DAAM1: variants seen among roughly 807,000 people sequenced by gnomAD.
DAAM1 encodes dishevelled associated activator of morphogenesis 1.
Under a neutral mutation model 130.0 loss-of-function variants are expected in DAAM1, and 52 were observed. The observed-to-expected ratio is 0.40, with a 90% CI of 0.32 to 0.50. The LOEUF is 0.50. Among genes scored for constraint, DAAM1 ranks in the 20% least tolerant of loss-of-function variants. The pLI is 0.61. For synonymous variants in DAAM1, 452 were observed against 444.5 expected (o/e 1.02, Z -0.21); for missense variants, 1,134 against 1,303.8 (o/e 0.87, Z 2.01).
chr14:59,354,124 G>A (rs933179345), intron 19 of DAAM1, among the ~76,000 whole-genome samples, 160 bp downstream of exon 19: 6 of 150,822 alleles, frequency 4.0e-5, no homozygotes, highest in Admixed American at 4.0e-4. Flanking sequence ...GCAGTAGCGC[G>A]ATCTTGGCTC....
intron 11 of DAAM1, 129 bp from the exon 12 acceptor site, chr14:59,326,804 C>A: frequency 1.3e-6 from 2 of 1,499,550 alleles, no homozygotes; most frequent in South Asian, 1.2e-5. Flanking sequence ...AACATCTGGT[C>A]TTAAATGGGT....
At chr14:59,251,187 A>G (rs754970019) in intron 1 of DAAM1, among the ~76,000 whole-genome samples, 1 of 152,252 alleles carries the variant, frequency 6.6e-6, no homozygotes. Context: ...TCTATTTCAC[A>G]GTCATAATGA....
chr14:59,220,655 T>C (rs1411174462), intron 1 of DAAM1, among the ~76,000 whole-genome samples: 2 of 152,082 alleles, frequency 1.3e-5, no homozygotes, highest in African/African-American at 4.8e-5. Flanking sequence ...TTTAGCTGGG[T>C]CTAAAGGCCT....
chr14:59,331,321 C>G lies in DAAM1; in HGVS notation c.1673C>G (p.Pro558Arg). 6.2e-7 allele frequency: 1 copy of G among 1,611,062 alleles called. No homozygotes were observed. The highest frequency in any genetic ancestry group is 1.3e-5 in the African/African-American group (1 of 74,756). ...CCTCCCCCACCACCCCCACCTCTAC[C>G]AGGTGGGATGCTTCCCCCTCCACCG... is the stretch of plus-strand genomic sequence containing the variant. The part of the protein sequence containing the change: ...LLPPPPPPPL[P>R]GGMLPPPPPP... Residue 558 changes from proline to arginine, a missense_variant, in exon 14 of 25, where the codon CCA becomes CGA. Pro to Arg is a moderately radical substitution (Grantham distance 103, BLOSUM62 -2). Around this residue, in one of 3 missense-constraint regions of DAAM1, gnomAD observed 644 missense variants for 695.9 expected, o/e 0.93. Coordinates refer to ENST00000360909, the MANE Select transcript of DAAM1 (RefSeq NM_001270520.2).
chr14:59,268,074 G>A (rs1286320571), intron 2 of DAAM1, among the ~76,000 whole-genome samples: 1 of 151,836 alleles, frequency 6.6e-6, no homozygotes, highest in Non-Finnish European at 1.5e-5. Context: ...AGCTATTTTT[G>A]TATTTTTTTT....
intron 1 of DAAM1, among the ~76,000 whole-genome samples, chr14:59,251,490 A>G (rs1881641475): frequency 6.6e-6 from 1 of 151,484 alleles, no homozygotes; most frequent in Non-Finnish European, 1.5e-5. Context: ...CGTATATCTA[A>G]ATGCTTATGA....
chr14:59,315,129 A>G lies in DAAM1; in HGVS notation c.274-151A>G, dbSNP rs997041966. On this transcript the variant is annotated intron_variant, in intron 3 of 24. Transcript: ENST00000360909. ...AGTCAAGTAGGCAGTCTGATCATTTATAGCCAACATTTAAAAATAAATACG... is the reference window on the plus strand; with the variant it reads ...AGTCAAGTAGGCAGTCTGATCATTTGTAGCCAACATTTAAAAATAAATACG... The G allele has an allele frequency of 8.0e-6, 6 of 751,312 alleles. No homozygotes were observed. In the Admixed American group the frequency reaches 1.0e-4, roughly 13 times the overall value. 46.5% of individuals were successfully genotyped at this position (751,312 alleles called of 1,614,324 possible).
intron 1 of DAAM1, among the ~76,000 whole-genome samples, chr14:59,257,114 A>G (rs1881929805): frequency 6.6e-6 from 1 of 152,062 alleles, no homozygotes; most frequent in Non-Finnish European, 1.5e-5. Context: ...CAGCATCAGA[A>G]AGCTTGACAA....
intron 15 of DAAM1, among the ~76,000 whole-genome samples, chr14:59,337,470 T>A (rs1885671067): frequency 6.6e-6 from 1 of 152,246 alleles, no homozygotes. Context: ...CAGTGAGACC[T>A]TAAGGAATCT....
At chr14:59,303,866 C>T (rs1884275726) in intron 3 of DAAM1, among the ~76,000 whole-genome samples, 1 of 152,164 alleles carries the variant, frequency 6.6e-6, no homozygotes, top group East Asian at 1.9e-4. Flanking sequence ...CACGACTGTA[C>T]TTCAGCCTAA....
At chr14:59,194,162 C>T (rs985085344) in intron 1 of DAAM1, among the ~76,000 whole-genome samples, 4 of 152,016 alleles carry the variant, frequency 2.6e-5, no homozygotes, top group South Asian at 2.1e-4. Context: ...CTTTCCGGCA[C>T]GTTATTCTTT....
intron 1 of DAAM1, among the ~76,000 whole-genome samples, chr14:59,258,800 G>T (rs1882027910): frequency 6.6e-6 from 1 of 152,140 alleles, no homozygotes. Context: ...TGTATTTGGG[G>T]ATCCATGGAG....
At chr14:59,266,355 C>T (rs1241079448) in intron 2 of DAAM1, among the ~76,000 whole-genome samples, 1 of 152,168 alleles carries the variant, frequency 6.6e-6, no homozygotes, top group Non-Finnish European at 1.5e-5. Flanking sequence ...TCAAAGCATT[C>T]CACATCTACA....
intron 1 of DAAM1, 104 bp from the exon 2 acceptor site, chr14:59,263,337 C>T: frequency 1.0e-6 from 1 of 952,490 alleles, no homozygotes; most frequent in Non-Finnish European, 1.6e-6. Context: ...AGGGCGCACA[C>T]AGTGTCGTCA....
intron 21 of DAAM1, among the ~76,000 whole-genome samples, chr14:59,359,935 A>G (rs974120710): frequency 6.6e-6 from 1 of 151,378 alleles, no homozygotes; most frequent in East Asian, 1.9e-4. Context: ...AAAGTTGCCA[A>G]ACTTTTACCA....
chr14:59,338,010 T>G (rs1885695247), intron 15 of DAAM1, among the ~76,000 whole-genome samples: 1 of 152,218 alleles, frequency 6.6e-6, no homozygotes, highest in Admixed American at 6.5e-5. Context: ...TTCTCCTGCT[T>G]CAAGTAAAAT....
At chr14:59,261,718 T>A (rs1882165334) in intron 1 of DAAM1, among the ~76,000 whole-genome samples, 1 of 152,254 alleles carries the variant, frequency 6.6e-6, no homozygotes, top group Non-Finnish European at 1.5e-5. Context: ...GTGCTTTTAC[T>A]TATTTACGTA....
At chr14:59,307,687 G>A (rs1884424958) in intron 3 of DAAM1, among the ~76,000 whole-genome samples, 1 of 152,178 alleles carries the variant, frequency 6.6e-6, no homozygotes, top group African/African-American at 2.4e-5. Context: ...GGGGTCAGAG[G>A]AGGTATCAGG....
chr14:59,282,617 AG>A (rs1263017330), intron 2 of DAAM1, among the ~76,000 whole-genome samples: 1 of 152,148 alleles, frequency 6.6e-6, no homozygotes, highest in Non-Finnish European at 1.5e-5. Context: ...GTGGTGGTGA[AG>A]AACATGGGCT....
Sources: allele counts gnomAD v4.1 joint callset (sites outside exome capture counted in the v4.1 genomes callset), GRCh38; gene constraint gnomAD v4.1.1; regional missense constraint gnomAD v4.1.1; transcripts MANE v1.5; gene names NCBI Gene and HGNC (gene_info 2026-07-23, HGNC 2026-07-21).